ARSJ: variants seen among roughly 807,000 people sequenced by gnomAD.
The protein encoded by ARSJ is arylsulfatase family member J.
Under a neutral mutation model 35.9 loss-of-function variants are expected in ARSJ, and 26 were observed. That is an observed-to-expected ratio of 0.72 (90% CI 0.53 to 1.00). The LOEUF is 1.00. ARSJ is among the 50% of genes least tolerant of loss of function. ARSJ has a pLI of 0.00. For synonymous variants in ARSJ, 294 were observed against 267.6 expected, an observed-to-expected ratio of 1.10 and a Z score of -0.96; for missense variants, 667 against 723.6, an observed-to-expected ratio of 0.92 and a Z score of 0.90.
At chr4:113,911,720 C>T (rs2099670524) in intron 1 of ARSJ, among the ~76,000 whole-genome samples, 1 of 151,954 alleles carries the variant, frequency 6.6e-6, no homozygotes, top group South Asian at 2.1e-4. Context: ...ATGATTCCTG[C>T]CCTGCATTTA....
At chr4:113,962,105 A>G (rs1042637497) in intron 1 of ARSJ, among the ~76,000 whole-genome samples, 2 of 152,064 alleles carry the variant, frequency 1.3e-5, no homozygotes, top group Non-Finnish European at 2.9e-5. Context: ...AGTTTTGGCT[A>G]CAAGTCCAAC....
chr4:113,944,046 T>C (rs1314944984), intron 1 of ARSJ: 1 of 152,042 alleles, frequency 6.6e-6, no homozygotes, highest in East Asian at 1.9e-4. Context: ...GAGAATGGAA[T>C]TTTGGTAGCA....
At chr4:113,960,018 T>A (rs1451019512) in intron 1 of ARSJ, among the ~76,000 whole-genome samples, 1 of 152,104 alleles carries the variant, frequency 6.6e-6, no homozygotes, top group East Asian at 1.9e-4. Context: ...TCTCTTTCCA[T>A]TCTTAGTGTT....
chr4:113,919,969 T>C (rs1181967404), intron 1 of ARSJ, among the ~76,000 whole-genome samples: 1 of 151,750 alleles, frequency 6.6e-6, no homozygotes, highest in Non-Finnish European at 1.5e-5. Flanking sequence ...TTGCAGGAGC[T>C]AGAAACAAGC....
At chr4:113,909,881 CA>C (rs1444179755) in intron 1 of ARSJ, among the ~76,000 whole-genome samples, 1 of 152,124 alleles carries the variant, frequency 6.6e-6, no homozygotes, top group East Asian at 1.9e-4. Context: ...AACAGCTTCA[CA>C]GTACCAAGTT....
intron 1 of ARSJ, among the ~76,000 whole-genome samples, chr4:113,922,560 C>T (rs1723751707): frequency 6.6e-6 from 1 of 152,130 alleles, no homozygotes; most frequent in Non-Finnish European, 1.5e-5. Flanking sequence ...TATATTTTCA[C>T]TACCTGGAAA....
At chr4:113,931,878 A>T (rs7441542) in intron 1 of ARSJ, among the ~76,000 whole-genome samples, 1 of 152,006 alleles carries the variant, frequency 6.6e-6, no homozygotes, top group East Asian at 1.9e-4. Flanking sequence ...AACAATCCCA[A>T]TCGGTAAAGA....
Position 113,979,342 on chromosome 4 carries a change from GAT to G in ARSJ, c.-510_-509del, listed in dbSNP as rs1727794253. The G allele has an allele frequency of 6.5e-6, 1 of 154,766 alleles. No homozygotes were observed. 9.6% of individuals were successfully genotyped at this position (154,766 alleles called of 1,614,324 possible). On this transcript the variant is annotated 5_prime_UTR_variant, in exon 1 of 2. Transcript: ENST00000315366. The stretch of plus-strand genomic sequence containing the variant: ...AAGTGGACGCGTCGCGTCTGGCTCT[GAT>G]CAGACAGATAAACTGCCGTAGTGGA...
intron 1 of ARSJ, among the ~76,000 whole-genome samples, chr4:113,925,561 A>G (rs1042705287): frequency 6.6e-6 from 1 of 152,026 alleles, no homozygotes; most frequent in African/African-American, 2.4e-5. Flanking sequence ...TATCAATCCA[A>G]CTGTTTCAGG....
At chr4:113,910,971 C>T (rs2888769) in intron 1 of ARSJ, among the ~76,000 whole-genome samples, 13,817 of 152,056 alleles carry the variant, frequency 0.091, 712 homozygotes, top group African/African-American at 0.13. Context: ...ATTTGAGTTT[C>T]AGTGCATTCA....
At chr4:113,975,392 G>A (rs2110340199) in intron 1 of ARSJ, among the ~76,000 whole-genome samples, 1 of 152,194 alleles carries the variant, frequency 6.6e-6, no homozygotes, top group African/African-American at 2.4e-5. Flanking sequence ...TCTAGGTTTT[G>A]CAAAACTTAT....
intron 1 of ARSJ, among the ~76,000 whole-genome samples, chr4:113,945,330 G>T (rs891832376): frequency 1.1e-3 from 167 of 152,004 alleles, no homozygotes; most frequent in African/African-American, 3.9e-3. Context: ...AGCAATGGGG[G>T]TCTCACTATG....
At chr4:113,921,458 G>A (rs1296640452) in intron 1 of ARSJ, among the ~76,000 whole-genome samples, 1 of 151,954 alleles carries the variant, frequency 6.6e-6, no homozygotes, top group African/African-American at 2.4e-5. Context: ...TGACTGAGAA[G>A]GGGCAAAGGC....
In ARSJ at chr4:113,903,353, T is replaced by C. The variant is rs2099667738; in HGVS notation, c.721A>G (p.Met241Val). 6.2e-7 allele frequency: 1 copy of C among 1,614,202 alleles called. No individual in the cohort carries two copies. Residue 241 changes from methionine to valine, a missense_variant, in exon 2 of 2, where the codon ATG becomes GTG. Coordinates refer to ENST00000315366, the MANE Select transcript of ARSJ (RefSeq NM_024590.4). ...ATTTGCTGTACTCTCTGAGTGTACATCTGTGTGGAGTATATGCCATTGTCA... is the reference window on the plus strand; with the variant it reads ...ATTTGCTGTACTCTCTGAGTGTACACCTGTGTGGAGTATATGCCATTGTCA... The part of the protein sequence containing the change: ...DYDNGIYSTQ[M>V]YTQRVQQILA...
intron 1 of ARSJ, among the ~76,000 whole-genome samples, chr4:113,955,766 T>G (rs1726142566): frequency 6.6e-6 from 1 of 152,036 alleles, no homozygotes; most frequent in Non-Finnish European, 1.5e-5. Context: ...AACCATAAAT[T>G]TTGACTCTAT....
At chr4:113,919,865 G>T (rs1032865035) in intron 1 of ARSJ, among the ~76,000 whole-genome samples, 1 of 152,284 alleles carries the variant, frequency 6.6e-6, no homozygotes, top group Non-Finnish European at 1.5e-5. Flanking sequence ...CCTGAAAAAG[G>T]CTAAGAAATG....
chr4:113,946,228 T>C (rs1725470959), intron 1 of ARSJ: 3 of 152,010 alleles, frequency 2.0e-5, no homozygotes, highest in African/African-American at 4.8e-5. Flanking sequence ...TCTTGAACTG[T>C]CGACACTAGG....
chr4:113,901,894 G>GTAGGT lies in ARSJ; in HGVS notation c.*379_*380insACCTA. On this transcript the variant is annotated 3_prime_UTR_variant, in exon 2 of 2. Transcript: ENST00000315366. The stretch of plus-strand genomic sequence containing the variant: ...CATCAAATTAGCATGCTTGCGGATG[G>GTAGGT]TATACCCTGTAACTTCCATCAAATT... 1 of 45,066 alleles carries GTAGGT rather than the reference G, an allele frequency of 2.2e-5. No homozygotes were observed. The allele number at this position is 45,066 out of a possible 1,614,324, so 2.8% of individuals were successfully genotyped here.
chr4:113,939,458 T>C (rs1207514485), intron 1 of ARSJ, among the ~76,000 whole-genome samples: 1 of 152,126 alleles, frequency 6.6e-6, no homozygotes, highest in Non-Finnish European at 1.5e-5. Context: ...ATGGTATTTC[T>C]AGTTCTAGAG....
Sources: gnomAD v4.1 joint callset for allele counts (sites outside exome capture counted in the v4.1 genomes callset) on GRCh38, gnomAD v4.1.1 for gene constraint, MANE v1.5 for transcripts, NCBI Gene and HGNC (gene_info 2026-07-23, HGNC 2026-07-21) for gene names.